Variants in BRMS1L observed in about 807,000 individuals in gnomAD.
The protein encoded by BRMS1L is BRMS1 like transcriptional repressor.
Under a neutral mutation model 50.3 loss-of-function variants are expected in BRMS1L, and 23 were observed. The observed-to-expected ratio is 0.46, with a 90% CI of 0.33 to 0.65. BRMS1L has a LOEUF of 0.65. Ranked by LOEUF, BRMS1L falls within the 30% of genes least tolerant of loss-of-function variation. The probability of loss-of-function intolerance (pLI) is 0.02; values close to 1 mark genes in which losing one functional copy is unlikely to be tolerated. For synonymous variants in BRMS1L, 114 were observed against 126.9 expected (o/e 0.90, Z 0.69); for missense variants, 286 against 386.1 (o/e 0.74, Z 2.17).
At chr14:35,846,603 G>A (rs563123728) in intron 4 of BRMS1L, among the ~76,000 whole-genome samples, 3 of 152,204 alleles carry the variant, frequency 2.0e-5, no homozygotes, top group Admixed American at 2.0e-4. Flanking sequence ...TTCATGATTA[G>A]AATCAGGTTT....
At chr14:35,842,223 T>C (rs1371744571) in intron 4 of BRMS1L, among the ~76,000 whole-genome samples, 2 of 152,228 alleles carry the variant, frequency 1.3e-5, no homozygotes, top group Non-Finnish European at 2.9e-5. Context: ...GTCATTATGA[T>C]GCTGTCTGGT....
chr14:35,832,292 C>T (rs2142037428), intron 2 of BRMS1L, among the ~76,000 whole-genome samples: 1 of 145,164 alleles, frequency 6.9e-6, no homozygotes, highest in South Asian at 2.2e-4. Flanking sequence ...ATCACGTGGT[C>T]AGGAGATCGA....
At chr14:35,861,050 A>T (rs2078344667) in intron 4 of BRMS1L, among the ~76,000 whole-genome samples, 1 of 152,108 alleles carries the variant, frequency 6.6e-6, no homozygotes, top group Non-Finnish European at 1.5e-5. Context: ...TTTTCCATTC[A>T]GGGGAGGTTT....
intron 4 of BRMS1L, among the ~76,000 whole-genome samples, chr14:35,851,648 G>A (rs1159873059): frequency 6.6e-6 from 1 of 152,192 alleles, no homozygotes; most frequent in Non-Finnish European, 1.5e-5. Context: ...TAAATTGAGA[G>A]AAATAAGTGT....
intron 2 of BRMS1L, among the ~76,000 whole-genome samples, chr14:35,832,030 A>G (rs2077926305): frequency 1.3e-5 from 2 of 152,192 alleles, no homozygotes; most frequent in Admixed American, 6.5e-5. Context: ...GAGTATTTGT[A>G]AGTGGCCTTA....
In BRMS1L at chr14:35,828,380, T is replaced by G. The variant is rs1166416269; in HGVS notation, c.142+1722T>G. Among the ~76,000 whole-genome samples, 7 of 151,286 alleles carry G rather than the reference T, an allele frequency of 4.6e-5. No homozygotes were observed. The East Asian group carries it at 1.4e-3, about 30-fold the overall frequency. On this transcript the variant is annotated intron_variant, in intron 1 of 9. Transcript: ENST00000216807. ...GTAGAGACAGGGTTTCTCCATGTTG[T>G]CCAGGCTGGTCTCGAACTCCTGACC...
At chr14:35,862,709 G>T in intron 5 of BRMS1L, 23 bp downstream of exon 5, 1 of 1,560,604 alleles carries the variant, frequency 6.4e-7, no homozygotes, top group South Asian at 1.1e-5. Context: ...ATATGATTGT[G>T]ATGTTTGAGT....
intron 4 of BRMS1L, among the ~76,000 whole-genome samples, chr14:35,846,990 T>A (rs1360591879): frequency 6.6e-6 from 1 of 151,900 alleles, no homozygotes; most frequent in Admixed American, 6.6e-5. Context: ...CACAAAAAAA[T>A]AAAACGCAGG....
At chr14:35,850,287 A>G (rs1266836058) in intron 4 of BRMS1L, among the ~76,000 whole-genome samples, 1 of 140,136 alleles carries the variant, frequency 7.1e-6, no homozygotes, top group Non-Finnish European at 1.5e-5. Flanking sequence ...GGCTCACCCC[A>G]ACCTCTGTCT....
At chr14:35,836,228 A>G (rs1050176958) in intron 4 of BRMS1L, among the ~76,000 whole-genome samples, 3 of 152,186 alleles carry the variant, frequency 2.0e-5, no homozygotes, top group African/African-American at 7.2e-5. Flanking sequence ...ATGCTTTGCA[A>G]ATCTTTTTGC....
chr14:35,870,080 G>T (rs1188849620), intron 9 of BRMS1L, among the ~76,000 whole-genome samples: 1 of 149,886 alleles, frequency 6.7e-6, no homozygotes, highest in Non-Finnish European at 1.5e-5. Flanking sequence ...TTTTAAAGAG[G>T]TGGGGTGGGG....
At position 35,826,406 on chromosome 14, in the gene BRMS1L, G is replaced by A; in HGVS notation, c.-111G>A. On this transcript the variant is annotated 5_prime_UTR_variant, in exon 1 of 10. Coordinates refer to ENST00000216807, the MANE Select transcript of BRMS1L (RefSeq NM_032352.4). ...GGCCGGGGGCGGGGAGGAGCCAAGG[G>A]GGCGAGCAAGCTCGGTGGCTGGGTG... 3 of 1,497,340 alleles carry A rather than the reference G, an allele frequency of 2.0e-6. No individual in the cohort carries two copies. The highest frequency in any genetic ancestry group is 4.1e-5 in the Admixed American group (2 of 49,040). The allele number at this position is 1,497,340 out of a possible 1,614,324, so 92.8% of individuals were successfully genotyped here. A position where few individuals can be genotyped will look rare whatever the true frequency, so the allele number is the denominator to read the frequency against.
intron 4 of BRMS1L, among the ~76,000 whole-genome samples, chr14:35,842,235 A>G (rs1311800940): frequency 6.6e-6 from 1 of 151,798 alleles, no homozygotes; most frequent in Non-Finnish European, 1.5e-5. Context: ...CTGTCTGGTT[A>G]TTTTGCCTGT....
At chr14:35,863,337 T>C (rs4982317) in intron 5 of BRMS1L, among the ~76,000 whole-genome samples, 49,811 of 152,016 alleles carry the variant, frequency 0.33, 10,818 homozygotes, top group African/African-American at 0.6. Context: ...GAAAGGTTTT[T>C]TGCATTGAGT....
chr14:35,839,016 A>C (rs182017858), intron 4 of BRMS1L, among the ~76,000 whole-genome samples: 183 of 152,266 alleles, frequency 1.2e-3, no homozygotes, highest in Middle Eastern at 3.4e-3. Flanking sequence ...CTTATGTTTA[A>C]GTCTTTAATC....
At chr14:35,841,217 T>A (rs2078058577) in intron 4 of BRMS1L, among the ~76,000 whole-genome samples, 2 of 152,152 alleles carry the variant, frequency 1.3e-5, no homozygotes, top group South Asian at 4.1e-4. Context: ...TCTGAGAGAC[T>A]ATTATGATTT....
intron 1 of BRMS1L, among the ~76,000 whole-genome samples, chr14:35,827,739 T>C (rs538467199): frequency 1.3e-5 from 2 of 152,370 alleles, no homozygotes; most frequent in South Asian, 4.1e-4. Context: ...GCCAAATGAA[T>C]GCTTAACTAA....
chr14:35,855,976 A>G (rs773864712), intron 4 of BRMS1L, among the ~76,000 whole-genome samples: 78 of 152,350 alleles, frequency 5.1e-4, no homozygotes, highest in Admixed American at 1.3e-3. Context: ...CTACCCATTC[A>G]TGCAGTTTAC....
intron 4 of BRMS1L, among the ~76,000 whole-genome samples, chr14:35,857,632 A>G (rs1462607250): frequency 2.0e-5 from 3 of 152,044 alleles, no homozygotes; most frequent in Non-Finnish European, 4.4e-5. Context: ...TCATATTTCT[A>G]AATAAAGCAG....
Sources: allele counts gnomAD v4.1 joint callset (sites outside exome capture counted in the v4.1 genomes callset), GRCh38; gene constraint gnomAD v4.1.1; transcripts MANE v1.5; gene names NCBI Gene and HGNC (gene_info 2026-07-23, HGNC 2026-07-21).